The following KLF12 variants were observed in gnomAD, a reference collection of about 807,000 sequenced individuals.
KLF12 encodes the protein Krueppel-like factor 12.
In KLF12, 9 loss-of-function variants were observed where a neutral mutation model predicts 37.8. The ratio of observed to expected loss-of-function variants is 0.24; its 90% CI spans 0.14 to 0.42. The LOEUF is 0.42. KLF12 is among the 10% of genes least tolerant of loss of function. KLF12 has a pLI of 1.00. For missense variants in KLF12, 411 were observed against 516.0 expected (o/e 0.80, Z 1.97); for synonymous variants, 208 against 202.1 (o/e 1.03, Z -0.25).
chr13:73,925,852 G>GT (rs1416263743), intron 3 of KLF12, among the ~76,000 whole-genome samples: 2 of 152,162 alleles, frequency 1.3e-5, no homozygotes, highest in Non-Finnish European at 2.9e-5. Flanking sequence ...ACTTGGAGGT[G>GT]TTTAAGACTT....
intron 3 of KLF12, among the ~76,000 whole-genome samples, chr13:73,901,203 C>A (rs1888025810): frequency 6.6e-6 from 1 of 152,194 alleles, no homozygotes; most frequent in Non-Finnish European, 1.5e-5. Flanking sequence ...AGACAAGTAG[C>A]ACAATGTCAG....
chr13:74,191,135 A>T, the KLF12 span, among the ~76,000 whole-genome samples: 1 of 152,198 alleles, frequency 6.6e-6, no homozygotes, highest in Non-Finnish European at 1.5e-5. Flanking sequence ...GCTTCATTAT[A>T]TTGTGAACTC....
intron 4 of KLF12, among the ~76,000 whole-genome samples, chr13:73,836,698 TA>T (rs1384366206): frequency 6.6e-5 from 10 of 152,160 alleles, no homozygotes; most frequent in Non-Finnish European, 1.5e-5. Context: ...TAGTTTTTTT[TA>T]AATAGAACTA....
chr13:73,928,046 C>T (rs1041800223), intron 3 of KLF12, among the ~76,000 whole-genome samples: 2 of 152,024 alleles, frequency 1.3e-5, no homozygotes, highest in African/African-American at 2.4e-5. Flanking sequence ...TTAGTAGAGA[C>T]GGGGTTCCCC....
intron 1 of KLF12, among the ~76,000 whole-genome samples, chr13:74,051,794 A>C (rs2138599722): frequency 6.6e-6 from 1 of 152,348 alleles, no homozygotes; most frequent in Non-Finnish European, 1.5e-5. Flanking sequence ...TTATACAGGA[A>C]GAATAAGTTC....
intron 2 of KLF12, among the ~76,000 whole-genome samples, chr13:73,982,363 C>T (rs1011649806): frequency 1.1e-4 from 17 of 151,968 alleles, no homozygotes; most frequent in Non-Finnish European, 8.8e-5. Context: ...TTTCTTGGTC[C>T]CATATGCATT....
chr13:74,281,384 TA>T, the KLF12 span, among the ~76,000 whole-genome samples: 1 of 152,324 alleles, frequency 6.6e-6, no homozygotes, highest in African/African-American at 2.4e-5. Flanking sequence ...AATTAAGACT[TA>T]AAGAATGTTA....
intron 1 of KLF12, among the ~76,000 whole-genome samples, chr13:74,047,621 T>C (rs1171367685): frequency 2.0e-5 from 3 of 150,044 alleles, no homozygotes; most frequent in African/African-American, 4.9e-5. Context: ...AAAAACTTTA[T>C]GATGGAAATT....
chr13:74,070,793 G>C (rs1329218024), intron 1 of KLF12, among the ~76,000 whole-genome samples: 1 of 152,166 alleles, frequency 6.6e-6, no homozygotes, highest in Non-Finnish European at 1.5e-5. Context: ...CAGACCTTCT[G>C]AGACTCTGGG....
At chr13:74,000,286 G>C (rs138197320) in intron 1 of KLF12, among the ~76,000 whole-genome samples, 4 of 152,194 alleles carry the variant, frequency 2.6e-5, no homozygotes, top group African/African-American at 9.6e-5. Context: ...AACCATACTT[G>C]CTTATACGAA....
chr13:73,706,985 C>G (rs1021088608), intron 7 of KLF12, among the ~76,000 whole-genome samples: 1 of 152,152 alleles, frequency 6.6e-6, no homozygotes, highest in African/African-American at 2.4e-5. Context: ...TAATTAAAGC[C>G]TTAAAAACAG....
chr13:74,032,171 C>T (rs530914719), intron 1 of KLF12, among the ~76,000 whole-genome samples: 2 of 152,128 alleles, frequency 1.3e-5, no homozygotes, highest in Non-Finnish European at 2.9e-5. Flanking sequence ...ATAAAACCTA[C>T]GATATGTAGT....
intron 1 of KLF12, among the ~76,000 whole-genome samples, chr13:74,036,070 T>C (rs947539032): frequency 2.0e-5 from 3 of 152,100 alleles, no homozygotes; most frequent in Non-Finnish European, 4.4e-5. Flanking sequence ...TGCCTCAGAA[T>C]GCTCCTATAC....
At chr13:74,247,713 C>T in the KLF12 span, among the ~76,000 whole-genome samples, 1 of 152,174 alleles carries the variant, frequency 6.6e-6, no homozygotes, top group South Asian at 2.1e-4. Flanking sequence ...TTCAAGCAAT[C>T]CTCCCACCTT....
chr13:73,804,628 C>G (rs1007505668), intron 5 of KLF12, among the ~76,000 whole-genome samples: 2 of 152,104 alleles, frequency 1.3e-5, no homozygotes, highest in Non-Finnish European at 1.5e-5. Flanking sequence ...GTTTTATCTA[C>G]AGTCATTCAC....
At chr13:74,191,539 G>A in the KLF12 span, among the ~76,000 whole-genome samples, 1 of 152,198 alleles carries the variant, frequency 6.6e-6, no homozygotes, top group Non-Finnish European at 1.5e-5. Flanking sequence ...GTTAATGAGA[G>A]CCGCGTGCTT....
intron 3 of KLF12, among the ~76,000 whole-genome samples, chr13:73,908,054 A>G (rs73523247): frequency 1.3e-5 from 2 of 152,098 alleles, no homozygotes; most frequent in African/African-American, 4.8e-5. Context: ...TGCATCTTTC[A>G]GGTCTTGGTT....
intron 3 of KLF12, among the ~76,000 whole-genome samples, chr13:73,925,471 C>T (rs1487973124): frequency 1.3e-5 from 2 of 152,106 alleles, no homozygotes; most frequent in East Asian, 1.9e-4. Flanking sequence ...ACTATTAAGA[C>T]CTACTATTCA....
intron 3 of KLF12, among the ~76,000 whole-genome samples, chr13:73,870,672 G>A (rs1330305804): frequency 1.3e-5 from 2 of 152,210 alleles, no homozygotes; most frequent in African/African-American, 4.8e-5. Context: ...ACCTGATGAG[G>A]CTGAAGTCAA....
Sources: allele counts gnomAD v4.1 joint callset (sites outside exome capture counted in the v4.1 genomes callset), GRCh38; gene constraint gnomAD v4.1.1; transcripts MANE v1.5; gene names NCBI Gene and HGNC (gene_info 2026-07-23, HGNC 2026-07-21).